The following TMCO6 variants were observed in gnomAD, a reference collection of about 807,000 sequenced individuals.
The protein encoded by TMCO6 is transmembrane and coiled-coil domain-containing protein 6.
In TMCO6, 47 loss-of-function variants were observed where a neutral mutation model predicts 61.8. That is an observed-to-expected ratio of 0.76 (90% confidence interval 0.60 to 0.97). The LOEUF (loss-of-function observed/expected upper bound fraction) is 0.97, where lower values mean the gene tolerates loss of function less well. Among genes scored for constraint, TMCO6 ranks in the 50% least tolerant of loss-of-function variants. TMCO6 has a pLI of 0.00. For missense variants in TMCO6, 557 were observed against 601.6 expected, an observed-to-expected ratio of 0.93 and a Z score of 0.78; for synonymous variants, 261 against 254.2, an observed-to-expected ratio of 1.03 and a Z score of -0.25.
At chr5:140,607,370 C>T in the TMCO6 span, among the ~76,000 whole-genome samples, 2 of 152,186 alleles carry the variant, frequency 1.3e-5, no homozygotes, top group African/African-American at 4.8e-5. Flanking sequence ...ATGTATCAGA[C>T]GTCATTACTT....
the TMCO6 span, among the ~76,000 whole-genome samples, chr5:140,630,805 ATC>A: frequency 1.3e-5 from 2 of 151,930 alleles, no homozygotes; most frequent in African/African-American, 4.8e-5. Context: ...CCCTATTCCT[ATC>A]TGTGTGGCTC....
At position 140,643,918 on chromosome 5, in the gene TMCO6, C is replaced by T. The variant is rs1424367571; in HGVS notation, c.1057C>T (p.Gln353Ter). Residue 353 changes from glutamine (Q) to a stop codon, truncating the protein, a stop_gained, in exon 9 of 12, where the codon CAG becomes TAG. Transcript: ENST00000394671. LOFTEE classifies it high-confidence loss of function. The part of the protein sequence containing the change: ...FILLQFFFQK[Q>*]PSLLPEGLWL... ...CCTTCTGCAGTTCTTTTTCCAGAAA[C>T]AGCCCAGTCTGCTCCCTGAGGGCCT... is the stretch of plus-strand genomic sequence containing the variant. 6.2e-7 allele frequency: 1 copy of T among 1,614,126 alleles called. No homozygotes were observed. The highest frequency in any genetic ancestry group is 8.5e-7 in the Non-Finnish European group (1 of 1,180,056).
At chr5:140,624,335 G>A in the TMCO6 span, among the ~76,000 whole-genome samples, 1 of 151,986 alleles carries the variant, frequency 6.6e-6, no homozygotes, top group East Asian at 1.9e-4. Context: ...TTGCACTCCA[G>A]CCTGGGTAAC....
the TMCO6 span, chr5:140,633,786 T>C: frequency 7.5e-6 from 1 of 134,134 alleles, no homozygotes. Flanking sequence ...AATAACTTTC[T>C]TTCTTTTTTT....
At chr5:140,632,518 T>TCGC in the TMCO6 span, 1 of 1,614,152 alleles carries the variant, frequency 6.2e-7, no homozygotes, top group Non-Finnish European at 8.5e-7. The surrounding 1 kb of genome is among the most constrained non-coding windows in gnomAD (Gnocchi z 6.2). Flanking sequence ...GAACGCCCTG[T>TCGC]CGCCCACGAC....
the TMCO6 span, among the ~76,000 whole-genome samples, chr5:140,620,822 G>A: frequency 2.0e-5 from 3 of 152,246 alleles, no homozygotes; most frequent in South Asian, 4.1e-4. Context: ...CCCAGCCTGG[G>A]CAACATAGTG....
the TMCO6 span, among the ~76,000 whole-genome samples, chr5:140,615,334 T>C: frequency 2.0e-5 from 3 of 152,176 alleles, no homozygotes; most frequent in African/African-American, 7.2e-5. Flanking sequence ...TGTTCATTGG[T>C]AGTCTTAATA....
chr5:140,641,707 A>G lies in TMCO6; in HGVS notation c.241A>G (p.Lys81Glu). Residue 81 changes from lysine (K) to glutamate (E), a missense_variant, in exon 3 of 12, where the codon AAG (lysine) becomes GAG (glutamate). By Grantham distance (56) the Lys-to-Glu change is moderately conservative. Transcript: ENST00000394671. ...LRQAQRGTEE[K>E]EREGALVSLR... ...GCAAGCCCAGCGGGGGACAGAGGAA[A>G]AGGAGAGAGAGGGGGCTCTGGTCAG... The G allele has an allele frequency of 6.2e-7, 1 of 1,614,126 alleles. No homozygotes were observed. Among genetic ancestry groups the G allele is most frequent in the Non-Finnish European group, 8.5e-7 (1 of 1,180,020 alleles).
the TMCO6 span, among the ~76,000 whole-genome samples, chr5:140,600,690 C>T: frequency 3.9e-5 from 6 of 152,050 alleles, no homozygotes; most frequent in Admixed American, 2.6e-4. Flanking sequence ...GTCTCAAGCT[C>T]CTGACCTCAT....
chr5:140,614,675 C>T, the TMCO6 span, among the ~76,000 whole-genome samples: 12 of 151,602 alleles, frequency 7.9e-5, no homozygotes, highest in Non-Finnish European at 1.2e-4. Flanking sequence ...AGTGCAGTGG[C>T]ACGATCTTGG....
At chr5:140,622,405 A>C in the TMCO6 span, among the ~76,000 whole-genome samples, 1 of 152,212 alleles carries the variant, frequency 6.6e-6, no homozygotes, top group Non-Finnish European at 1.5e-5. Flanking sequence ...AGCCCCTGCT[A>C]TCTGCTCAAG....
In TMCO6 at chr5:140,645,270, G is replaced by A; in HGVS notation, c.*172G>A. 2 of 741,778 alleles carry A rather than the reference G, an allele frequency of 2.7e-6. No homozygotes were observed. Among genetic ancestry groups the A allele is most frequent in the Admixed American group, 4.6e-5 (2 of 43,744 alleles). The allele number at this position is 741,778 out of a possible 1,614,324, so 45.9% of individuals were successfully genotyped here. ...CCTTCCACTCAGCACTATCCAGGCA[G>A]GAGGACCAAAAGGGACTCAGTGTGG... On this transcript the variant is annotated 3_prime_UTR_variant, in exon 12 of 12. Coordinates refer to ENST00000394671, the MANE Select transcript of TMCO6 (RefSeq NM_018502.5).
upstream of TMCO6, chr5:140,639,279 T>G: frequency 4.1e-6 from 2 of 483,008 alleles, no homozygotes; most frequent in Non-Finnish European, 7.4e-6. Flanking sequence ...AGACAGGAAA[T>G]CAATCAGAGG....
At chr5:140,623,013 T>C in the TMCO6 span, among the ~76,000 whole-genome samples, 1 of 152,174 alleles carries the variant, frequency 6.6e-6, no homozygotes, top group African/African-American at 2.4e-5. Context: ...CCACCATGTC[T>C]GGCTTTGATT....
At chr5:140,630,214 G>C in the TMCO6 span, among the ~76,000 whole-genome samples, 1 of 151,826 alleles carries the variant, frequency 6.6e-6, no homozygotes, top group African/African-American at 2.4e-5. Context: ...GGGTGGACTC[G>C]ATCTCTTGAC....
the TMCO6 span, chr5:140,632,788 G>A: frequency 6.2e-7 from 1 of 1,613,600 alleles, no homozygotes; most frequent in African/African-American, 1.3e-5. This position sits in a 1 kb window ranked among gnomAD's most constrained non-coding sequence, Gnocchi z 6.2. Flanking sequence ...AACGGCTCTA[G>A]GTTGAGACCG....
Position 140,645,046 on chromosome 5 carries a change from C to T in TMCO6, c.1430C>T (p.Ala477Val). 6.2e-7 allele frequency: 1 copy of T among 1,614,210 alleles called. No homozygotes were observed. The highest frequency in any genetic ancestry group is 8.5e-7 in the Non-Finnish European group (1 of 1,180,036). Residue 477 changes from alanine (A) to valine (V), a missense_variant, in exon 12 of 12, where the codon GCC becomes GTC. Physicochemically the swap from Ala to Val is moderately conservative, Grantham distance 64 (BLOSUM62 0). Coordinates refer to ENST00000394671, the MANE Select transcript of TMCO6 (RefSeq NM_018502.5). ...GCCCTGGAAAGGCATCAGGAAGAGG[C>T]CCAGCTCCAGGATCGTGTGTATGCT... ...LQALERHQEE[A>V]QLQDRVYALQ...
Position 140,641,876 on chromosome 5 carries a change from G to A in TMCO6, c.321G>A (p.Glu107=), listed in dbSNP as rs746142794. ...PETQQTFIRL[E]GSMRTLVGLL... is the part of the protein sequence containing the mutation. ...CTGGTACTCACTCACATAGGCTGGA[G>A]GGCAGCATGCGGACCCTGGTCGGGC... The change falls in exon 4 of 12, where the codon GAG becomes GAA. Residue 107 remains glutamate (E), a synonymous_variant. Transcript: ENST00000394671. 6.8e-6 allele frequency: 11 copies of A among 1,612,784 alleles called. 1 individual carries two copies. The South Asian group carries it at 1.1e-4, about 16-fold the overall frequency.
At chr5:140,623,727 G>A in the TMCO6 span, among the ~76,000 whole-genome samples, 2 of 152,016 alleles carry the variant, frequency 1.3e-5, no homozygotes, top group African/African-American at 2.4e-5. Flanking sequence ...TAAAAATTTA[G>A]TTGAATTTTT....
Sources: gnomAD v4.1 joint callset for allele counts (sites outside exome capture counted in the v4.1 genomes callset) on GRCh38, gnomAD v4.1.1 for gene constraint, Gnocchi (gnomAD v3.1) non-coding constraint, MANE v1.5 for transcripts, NCBI Gene and HGNC (gene_info 2026-07-23, HGNC 2026-07-21) for gene names.